The following MPZL1 variants were observed in gnomAD, a reference collection of about 807,000 sequenced individuals.
MPZL1 encodes myelin protein zero like 1.
Under a neutral mutation model 29.3 loss-of-function variants are expected in MPZL1, and 16 were observed. The ratio of observed to expected loss-of-function variants is 0.55; its 90% CI spans 0.37 to 0.83. The LOEUF is 0.83. Ranked by LOEUF, MPZL1 falls within the 40% of genes least tolerant of loss-of-function variation. The pLI is 0.00. For missense variants in MPZL1, 279 were observed against 332.9 expected, an observed-to-expected ratio of 0.84 and a Z score of 1.26; for synonymous variants, 143 against 132.0, an observed-to-expected ratio of 1.08 and a Z score of -0.57.
chr1:167,742,169 T>G (rs1318139688), intron 1 of MPZL1, among the ~76,000 whole-genome samples: 1 of 152,004 alleles, frequency 6.6e-6, no homozygotes, highest in Non-Finnish European at 1.5e-5. Context: ...GGCCCTCACC[T>G]GTAGTCCCAG....
chr1:167,787,831 A>G lies in MPZL1; in HGVS notation c.720A>G (p.Ile240Met). 6.2e-7 allele frequency: 1 copy of G among 1,612,988 alleles called. No individual in the cohort carries two copies. The highest frequency in any genetic ancestry group is 2.2e-5 in the East Asian group (1 of 44,892). The change falls in exon 6 of 6, where the codon ATA (isoleucine) becomes ATG (methionine). Residue 240 changes from isoleucine to methionine, a missense_variant. Physicochemically the swap from Ile to Met is conservative, Grantham distance 10 (BLOSUM62 1). Transcript: ENST00000359523. The stretch of plus-strand genomic sequence containing the variant: ...CTTCCCTTTTCCAGGGCCCAGTCAT[A>G]TATGCACAGTTAGACCACTCCGGCG... The part of the protein sequence containing the change: ...LPSGSHQGPV[I>M]YAQLDHSGGH...
rs187848611 is a variant in MPZL1, at chr1:167,733,912, A to G, written c.91+11670A>G. ...AGCAAGACCCTGTTTAAAAAAAAAA[A>G]AAGATATGTCCTCTGGACACTCACA... On this transcript the variant is annotated intron_variant, in intron 1 of 5. Coordinates refer to ENST00000359523, the MANE Select transcript of MPZL1 (RefSeq NM_003953.6). 8.0e-3 allele frequency among the ~76,000 whole-genome samples: 1,211 copies of G among 152,050 alleles called. 12 individuals carry two copies. The highest frequency in any genetic ancestry group is 0.013 in the Admixed American group (202 of 15,282).
chr1:167,739,321 A>ATT (rs1491534956), intron 1 of MPZL1, among the ~76,000 whole-genome samples: 1 of 141,314 alleles, frequency 7.1e-6, no homozygotes, highest in Admixed American at 7.1e-5. Flanking sequence ...ACATATATAT[A>ATT]TTTATGTTTA....
intron 5 of MPZL1, among the ~76,000 whole-genome samples, chr1:167,783,993 G>A (rs1176154149): frequency 1.3e-5 from 2 of 152,060 alleles, no homozygotes. Flanking sequence ...AATTAAATAG[G>A]GCTACAGGCT....
intron 1 of MPZL1, among the ~76,000 whole-genome samples, chr1:167,760,226 A>G (rs1383899287): frequency 2.0e-5 from 3 of 152,084 alleles, no homozygotes; most frequent in African/African-American, 7.2e-5. Context: ...TTTTTGAGAC[A>G]GAGTCTCGCT....
intron 1 of MPZL1, among the ~76,000 whole-genome samples, chr1:167,747,187 G>A (rs1660664079): frequency 6.6e-6 from 1 of 152,180 alleles, no homozygotes; most frequent in Admixed American, 6.5e-5. Context: ...TAAGCCAGTA[G>A]AAGGAACTAG....
chr1:167,780,739 G>A (rs890596405), intron 5 of MPZL1, among the ~76,000 whole-genome samples: 1 of 152,156 alleles, frequency 6.6e-6, no homozygotes, highest in Non-Finnish European at 1.5e-5. Context: ...GGGGAAGGAA[G>A]AATAGGGAGT....
intron 1 of MPZL1, among the ~76,000 whole-genome samples, chr1:167,723,747 C>T (rs1660086693): frequency 1.3e-5 from 2 of 152,112 alleles, no homozygotes; most frequent in Admixed American, 1.3e-4. Context: ...CGTAACTCTT[C>T]AGTAATGAAG....
At chr1:167,771,320 T>G (rs1422790131) in intron 2 of MPZL1, among the ~76,000 whole-genome samples, 1 of 152,242 alleles carries the variant, frequency 6.6e-6, no homozygotes, top group Non-Finnish European at 1.5e-5. Flanking sequence ...GTAAGGTTTA[T>G]AGATTAACAG....
intron 3 of MPZL1, among the ~76,000 whole-genome samples, chr1:167,772,776 C>T (rs1325745158): frequency 6.6e-6 from 1 of 152,090 alleles, no homozygotes; most frequent in Non-Finnish European, 1.5e-5. Context: ...AGAAGAAAGA[C>T]CAAATTCATT....
chr1:167,735,097 A>G (rs1258750244), intron 1 of MPZL1, among the ~76,000 whole-genome samples: 1 of 152,230 alleles, frequency 6.6e-6, no homozygotes, highest in African/African-American at 2.4e-5. Context: ...CTGTTCAGAT[A>G]TGTAGTGCTC....
At chr1:167,738,518 G>A (rs1046631816) in intron 1 of MPZL1, among the ~76,000 whole-genome samples, 4 of 152,142 alleles carry the variant, frequency 2.6e-5, no homozygotes, top group African/African-American at 7.2e-5. Flanking sequence ...TTGGCTCTGT[G>A]TCCCCACCCA....
At chr1:167,774,313 A>C (rs1373455919) in intron 4 of MPZL1, among the ~76,000 whole-genome samples, 1 of 152,196 alleles carries the variant, frequency 6.6e-6, no homozygotes, top group Non-Finnish European at 1.5e-5. Context: ...TTGCAGATGC[A>C]CAGATCTAAC....
chr1:167,722,345 G>T (rs1335377916), intron 1 of MPZL1, 103 bp downstream of exon 1: 1 of 1,226,636 alleles, frequency 8.2e-7, no homozygotes, highest in Non-Finnish European at 1.0e-6. Context: ...ACTGAGAGCC[G>T]AGGTGGGGAG....
intron 1 of MPZL1, among the ~76,000 whole-genome samples, chr1:167,728,362 CTTTTTTT>C (rs71097693): frequency 5.1e-5 from 6 of 117,678 alleles, no homozygotes; most frequent in Non-Finnish European, 8.5e-5. Context: ...TTCTTTCTTT[CTTTTTTT>C]TTTTTTTTTT....
At chr1:167,771,019 TA>T (rs1226103895) in intron 2 of MPZL1, among the ~76,000 whole-genome samples, 7 of 151,268 alleles carry the variant, frequency 4.6e-5, no homozygotes, top group African/African-American at 1.5e-4. Context: ...TTTTTTTTTT[TA>T]ATTGATCATT....
rs545103027 is a variant in MPZL1, at chr1:167,783,933, G to A, written c.709-3887G>A. 1.2e-3 allele frequency among the ~76,000 whole-genome samples: 176 copies of A among 152,252 alleles called. 1 individual carries two copies. Among genetic ancestry groups the A allele is most frequent in the African/African-American group, 4.1e-3 (170 of 41,554 alleles). ...AATAGATGTTCTTTCTTAGTGATTC[G>A]TGCTAGGCTTTTGGGGATGACTCCT... On this transcript the variant is annotated intron_variant, in intron 5 of 5. Transcript: ENST00000359523.
At chr1:167,729,154 C>T (rs1028632342) in intron 1 of MPZL1, among the ~76,000 whole-genome samples, 1 of 151,752 alleles carries the variant, frequency 6.6e-6, no homozygotes, top group African/African-American at 2.4e-5. Flanking sequence ...CCTATAATCC[C>T]AGCCACTTGG....
At position 167,789,344 on chromosome 1, in the gene MPZL1, T is replaced by C. The variant is rs1489585545; in HGVS notation, c.*1423T>C. The C allele has an allele frequency of 1.3e-5, 2 of 152,292 alleles. No individual in the cohort carries two copies. The highest frequency in any genetic ancestry group is 3.9e-4 in the East Asian group (2 of 5,182). 9.4% of individuals were successfully genotyped at this position (152,292 alleles called of 1,614,324 possible). ...CGAAAGCCCACAGTTATGGAAAGAA[T>C]TACTGTCTAGATGGTCTGCAGAACG... On this transcript the variant is annotated 3_prime_UTR_variant, in exon 6 of 6. Coordinates refer to ENST00000359523, the MANE Select transcript of MPZL1 (RefSeq NM_003953.6).
Sources: allele counts gnomAD v4.1 joint callset (sites outside exome capture counted in the v4.1 genomes callset), GRCh38; gene constraint gnomAD v4.1.1; transcripts MANE v1.5; gene names NCBI Gene and HGNC (gene_info 2026-07-23, HGNC 2026-07-21).